AGMO: variants seen among roughly 807,000 people sequenced by gnomAD.
The protein encoded by AGMO is glyceryl-ether monooxygenase.
In AGMO, 75 loss-of-function variants were observed where a neutral mutation model predicts 60.2. The observed-to-expected ratio is 1.25, with a 90% CI of 1.03 to 1.51. The LOEUF is 1.51. AGMO is among the 40% of genes most tolerant of loss of function. The pLI is 0.00. For missense variants in AGMO, 763 were observed against 525.5 expected (o/e 1.45, Z -4.42); for synonymous variants, 261 against 177.1 (o/e 1.47, Z -3.76).
At chr7:15,516,485 G>A (rs1783809441) in intron 3 of AGMO, among the ~76,000 whole-genome samples, 1 of 152,214 alleles carries the variant, frequency 6.6e-6, no homozygotes. Flanking sequence ...TTAGTGCACT[G>A]TTAAATGGTT....
At chr7:15,325,629 G>GA (rs1563088649) in intron 12 of AGMO, among the ~76,000 whole-genome samples, 1 of 151,890 alleles carries the variant, frequency 6.6e-6, no homozygotes, top group Non-Finnish European at 1.5e-5. Context: ...GGTTGAAACA[G>GA]AAAAAATAAC....
At chr7:15,504,026 C>A (rs1025805296) in intron 3 of AGMO, among the ~76,000 whole-genome samples, 3 of 151,900 alleles carry the variant, frequency 2.0e-5, no homozygotes, top group African/African-American at 4.8e-5. Context: ...AGAGGCAATT[C>A]CACACAGTTT....
At chr7:15,235,350 C>T (rs541966572) in intron 12 of AGMO, among the ~76,000 whole-genome samples, 2 of 152,042 alleles carry the variant, frequency 1.3e-5, no homozygotes, top group Non-Finnish European at 2.9e-5. Context: ...GAGAGAATGG[C>T]GAATGTGTAG....
At chr7:15,383,002 T>C (rs1295001985) in intron 10 of AGMO, among the ~76,000 whole-genome samples, 1 of 152,136 alleles carries the variant, frequency 6.6e-6, no homozygotes, top group African/African-American at 2.4e-5. Flanking sequence ...ACCTCAATTT[T>C]TTTTTCAAGC....
intron 3 of AGMO, among the ~76,000 whole-genome samples, chr7:15,461,714 T>A (rs2128508861): frequency 6.6e-6 from 1 of 152,194 alleles, no homozygotes; most frequent in African/African-American, 2.4e-5. Flanking sequence ...TGATTCAGGA[T>A]TTTAGAATTC....
the AGMO span, among the ~76,000 whole-genome samples, chr7:15,184,867 G>A: frequency 1.5e-5 from 1 of 67,606 alleles, no homozygotes; most frequent in Non-Finnish European, 3.0e-5. Flanking sequence ...AGGAAGGGAG[G>A]GAGGGAAGGA....
chr7:15,420,999 A>C (rs1780907159), intron 4 of AGMO, among the ~76,000 whole-genome samples: 1 of 152,206 alleles, frequency 6.6e-6, no homozygotes, highest in African/African-American at 2.4e-5. Context: ...AGGCGATCTA[A>C]GGCTAACAGA....
chr7:15,306,644 T>C, intron 12 of AGMO: 1 of 375,544 alleles, frequency 2.7e-6, no homozygotes, highest in Non-Finnish European at 5.2e-6. Context: ...TTTATGGCAC[T>C]ATTAAGGATT....
At chr7:15,139,839 GAAT>G in the AGMO span, among the ~76,000 whole-genome samples, 1 of 127,882 alleles carries the variant, frequency 7.8e-6, no homozygotes, top group Non-Finnish European at 1.6e-5. Flanking sequence ...AAAAAAAAAA[GAAT>G]AATACAGTAT....
chr7:15,352,188 T>C (rs1376391317), intron 12 of AGMO, among the ~76,000 whole-genome samples: 1 of 152,054 alleles, frequency 6.6e-6, no homozygotes, highest in Non-Finnish European at 1.5e-5. Context: ...CCGCCATAGA[T>C]CTTCAGTTTG....
At chr7:15,127,535 C>T in the AGMO span, among the ~76,000 whole-genome samples, 5 of 151,974 alleles carry the variant, frequency 3.3e-5, no homozygotes, top group African/African-American at 9.7e-5. Flanking sequence ...AAGGGAAATA[C>T]GTTCCAAATT....
chr7:15,456,226 A>G (rs1287114869), intron 3 of AGMO, among the ~76,000 whole-genome samples: 1 of 152,134 alleles, frequency 6.6e-6, no homozygotes, highest in Non-Finnish European at 1.5e-5. Flanking sequence ...TTTGTTAGAT[A>G]TAACATCCTC....
chr7:15,305,428 G>A (rs1583386259), intron 12 of AGMO, among the ~76,000 whole-genome samples: 1 of 151,888 alleles, frequency 6.6e-6, no homozygotes, highest in African/African-American at 2.4e-5. Flanking sequence ...TGGGTTCACT[G>A]GTGAAACATG....
the AGMO span, among the ~76,000 whole-genome samples, chr7:15,191,884 AT>A: frequency 6.6e-6 from 1 of 151,934 alleles, no homozygotes; most frequent in Non-Finnish European, 1.5e-5. Flanking sequence ...ATATTTATGA[AT>A]GGCTTACATA....
chr7:15,387,359 A>G (rs1381651966), intron 9 of AGMO, 47 bp downstream of exon 9: 1 of 1,594,844 alleles, frequency 6.3e-7, no homozygotes. Flanking sequence ...TAGACCTGAC[A>G]ATATGAGACA....
intron 4 of AGMO, among the ~76,000 whole-genome samples, chr7:15,430,193 C>A (rs955889304): frequency 1.4e-4 from 22 of 151,844 alleles, no homozygotes; most frequent in Non-Finnish European, 2.9e-5. Context: ...AAGTACCTTG[C>A]AAAGTATTTT....
intron 3 of AGMO, among the ~76,000 whole-genome samples, chr7:15,488,315 A>G (rs927108344): frequency 1.3e-5 from 2 of 152,218 alleles, no homozygotes; most frequent in Non-Finnish European, 2.9e-5. Context: ...CTACTCATTA[A>G]TCATTCACAA....
In AGMO at chr7:15,413,981, C is replaced by T. The variant is rs568881093; in HGVS notation, c.609+4577G>A. 1.4e-4 allele frequency among the ~76,000 whole-genome samples: 22 copies of T among 152,148 alleles called. No individual in the cohort carries two copies. The South Asian group carries it at 4.6e-3, about 32-fold the overall frequency. ...CTAATTAAATCTAAAATAATAAAAACAATATTTTGGGATTTATTTATTTGT... is the reference window on the plus strand; with the variant it reads ...CTAATTAAATCTAAAATAATAAAAATAATATTTTGGGATTTATTTATTTGT... On this transcript the variant is annotated intron_variant, in intron 5 of 12. Transcript: ENST00000342526.
At chr7:15,491,064 C>T (rs1012144562) in intron 3 of AGMO, among the ~76,000 whole-genome samples, 1 of 152,086 alleles carries the variant, frequency 6.6e-6, no homozygotes, top group Non-Finnish European at 1.5e-5. Context: ...CTCTAATCTG[C>T]CCATTGTTAA....
Sources: gnomAD v4.1 joint callset for allele counts (sites outside exome capture counted in the v4.1 genomes callset) on GRCh38, gnomAD v4.1.1 for gene constraint, MANE v1.5 for transcripts, NCBI Gene and HGNC (gene_info 2026-07-23, HGNC 2026-07-21) for gene names.